The following DNAJC11 variants were observed in gnomAD, a reference collection of about 807,000 sequenced individuals.
DNAJC11 encodes the protein dnaJ homolog subfamily C member 11.
DNAJC11 carries 15 observed loss-of-function variants against 78.6 expected under a neutral mutation model. The observed-to-expected ratio is 0.19, with a 90% CI of 0.13 to 0.29. The LOEUF (loss-of-function observed/expected upper bound fraction) is 0.29. Among genes scored for constraint, DNAJC11 ranks in the 10% least tolerant of loss-of-function variants. The probability of loss-of-function intolerance (pLI) is 1.00; values close to 1 mark genes in which losing one functional copy is unlikely to be tolerated. For missense variants in DNAJC11, 547 were observed against 709.6 expected (o/e 0.77, Z 2.60); for synonymous variants, 292 against 272.1 (o/e 1.07, Z -0.72).
At chr1:6,681,061 G>C (rs369084269) in intron 1 of DNAJC11, 24 bp from the exon 2 acceptor site, 2 of 1,587,832 alleles carry the variant, frequency 1.3e-6, no homozygotes, top group Non-Finnish European at 8.6e-7. Flanking sequence ...AATTCAATTA[G>C]AGAACAATCA....
chr1:6,641,906 G>A (rs981926931), intron 10 of DNAJC11, among the ~76,000 whole-genome samples: 2 of 152,190 alleles, frequency 1.3e-5, no homozygotes, highest in African/African-American at 4.8e-5. Context: ...CCTTCAGATG[G>A]AGACTGGCTC....
At chr1:6,638,204 A>G in intron 12 of DNAJC11, 91 bp downstream of exon 12, 2 of 1,289,030 alleles carry the variant, frequency 1.6e-6, no homozygotes, top group Non-Finnish European at 2.2e-6. Flanking sequence ...TGGAGAAGAG[A>G]AGTCTGACCT....
Position 6,634,753 on chromosome 1 carries a change from G to T in DNAJC11, c.*922C>A. 1 of 1,343,380 alleles carries T rather than the reference G, an allele frequency of 7.4e-7. No individual in the cohort carries two copies. The highest frequency in any genetic ancestry group is 4.8e-5 in the East Asian group (1 of 20,918). The allele number at this position is 1,343,380 out of a possible 1,614,324, so 83.2% of individuals were successfully genotyped here. A position where few individuals can be genotyped will look rare whatever the true frequency, so the allele number is the denominator to read the frequency against. On this transcript the variant is annotated 3_prime_UTR_variant, in exon 16 of 16. Transcript: ENST00000377577. Reference sequence around the variant, plus strand: ...GCCCTGGTGTTCCTGTGAGGACGCTGGACCTGCAGGAGCGGGGAGCTGCAG... The same window carrying T: ...GCCCTGGTGTTCCTGTGAGGACGCTTGACCTGCAGGAGCGGGGAGCTGCAG...
chr1:6,683,866 T>C (rs1444181453), intron 1 of DNAJC11, among the ~76,000 whole-genome samples: 4 of 152,220 alleles, frequency 2.6e-5, no homozygotes, highest in Non-Finnish European at 5.9e-5. Context: ...CATATTTCCA[T>C]CTCTGCATTT....
At chr1:6,660,073 C>A (rs111717079) in intron 4 of DNAJC11, among the ~76,000 whole-genome samples, 269 of 150,404 alleles carry the variant, frequency 1.8e-3, no homozygotes, top group African/African-American at 4.1e-3. Context: ...AAAAAAAAAA[C>A]CAAAATCAAA....
At position 6,654,245 on chromosome 1, in the gene DNAJC11, G is replaced by A. The variant is rs1023927914; in HGVS notation, c.379-206C>T. The A allele has an allele frequency of 1.3e-5, 6 of 476,838 alleles. No individual in the cohort carries two copies. In the South Asian group the frequency reaches 1.4e-4, roughly 11 times the overall value. The allele number at this position is 476,838 out of a possible 1,614,324, so 29.5% of individuals were successfully genotyped here. On this transcript the variant is annotated intron_variant, in intron 4 of 15. Transcript: ENST00000377577. ...AACTGCAGAGCACCACAGACGTCCA[G>A]AGCTAGAAAACATCATTTGACCAGG...
intron 11 of DNAJC11, 142 bp downstream of exon 11, chr1:6,639,760 A>C: frequency 1.2e-6 from 1 of 816,438 alleles, no homozygotes; most frequent in Non-Finnish European, 1.8e-6. Flanking sequence ...CCCAGACATC[A>C]GCCTAAGTGC....
chr1:6,657,556 T>A (rs914441521), intron 4 of DNAJC11, among the ~76,000 whole-genome samples: 4 of 152,202 alleles, frequency 2.6e-5, no homozygotes, highest in Non-Finnish European at 5.9e-5. Flanking sequence ...TTGGAAATGG[T>A]TATACAGCAG....
At chr1:6,683,628 T>C (rs1271958861) in intron 1 of DNAJC11, among the ~76,000 whole-genome samples, 1 of 152,234 alleles carries the variant, frequency 6.6e-6, no homozygotes, top group Non-Finnish European at 1.5e-5. Context: ...CCACTTTTGT[T>C]ATTACCATCA....
Position 6,653,768 on chromosome 1 carries a change from T to A in DNAJC11, c.507+143A>T. Reference sequence around the variant, plus strand: ...AACACACGGCTGGGAATGAAGCGCTTTCTTTTTTAAGTGGCTAATTGCATC... The same window carrying A: ...AACACACGGCTGGGAATGAAGCGCTATCTTTTTTAAGTGGCTAATTGCATC... On this transcript the variant is annotated intron_variant, in intron 5 of 15. Coordinates refer to ENST00000377577, the MANE Select transcript of DNAJC11 (RefSeq NM_018198.4). The surrounding 1 kb of genome is among the most constrained non-coding windows in gnomAD (Gnocchi z 4.5). 1 of 1,159,710 alleles carries A rather than the reference T, an allele frequency of 8.6e-7. No homozygotes were observed. The highest frequency in any genetic ancestry group is 1.2e-6 in the Non-Finnish European group (1 of 827,906). The allele number at this position is 1,159,710 out of a possible 1,614,324, so 71.8% of individuals were successfully genotyped here.
At chr1:6,669,959 T>C (rs1226572707) in intron 3 of DNAJC11, among the ~76,000 whole-genome samples, 1 of 151,804 alleles carries the variant, frequency 6.6e-6, no homozygotes, top group Non-Finnish European at 1.5e-5. Flanking sequence ...AAAAATAATT[T>C]TTTTTTTTTT....
In DNAJC11 at chr1:6,634,455, G is replaced by A; in HGVS notation, c.*1220C>T. The A allele has an allele frequency of 1.5e-6, 2 of 1,298,358 alleles. No homozygotes were observed. Among genetic ancestry groups the A allele is most frequent in the Non-Finnish European group, 2.0e-6 (2 of 986,818 alleles). The allele number at this position is 1,298,358 out of a possible 1,614,324, so 80.4% of individuals were successfully genotyped here. On this transcript the variant is annotated 3_prime_UTR_variant, in exon 16 of 16. Coordinates refer to ENST00000377577, the MANE Select transcript of DNAJC11 (RefSeq NM_018198.4). ...CTCAGATACCAGTGCTGGGGAGGGA[G>A]GCCTGACTTCAGCAACAGCTGTGGG... is the stretch of plus-strand genomic sequence containing the variant.
At chr1:6,648,147 C>T (rs1641995894) in intron 7 of DNAJC11, among the ~76,000 whole-genome samples, 1 of 152,072 alleles carries the variant, frequency 6.6e-6, no homozygotes, top group Non-Finnish European at 1.5e-5. Context: ...CTCATAAGAC[C>T]CAAAGCAGCT....
chr1:6,692,522 T>G (rs570733789), intron 1 of DNAJC11, among the ~76,000 whole-genome samples: 1 of 151,946 alleles, frequency 6.6e-6, no homozygotes, highest in Admixed American at 6.5e-5. Context: ...ATGTCAACTT[T>G]CCAGGAAGCA....
intron 3 of DNAJC11, among the ~76,000 whole-genome samples, chr1:6,672,776 A>G (rs1642400377): frequency 6.6e-6 from 1 of 152,214 alleles, no homozygotes; most frequent in African/African-American, 2.4e-5. Flanking sequence ...CAACCCTTAC[A>G]GACAGAGGCA....
intron 10 of DNAJC11, among the ~76,000 whole-genome samples, chr1:6,643,828 A>T (rs1420092613): frequency 6.6e-6 from 1 of 152,076 alleles, no homozygotes; most frequent in Admixed American, 6.6e-5. Flanking sequence ...CGGTGTTGGA[A>T]CTATGCACTG....
In DNAJC11 at chr1:6,644,682, G is replaced by C. The variant is rs760963758; in HGVS notation, c.981-8C>G. 3.7e-6 allele frequency: 6 copies of C among 1,609,920 alleles called. No individual in the cohort carries two copies. In the East Asian group the frequency reaches 1.3e-4, roughly 36 times the overall value. Reference sequence around the variant, plus strand: ...GTCCCAAAGAAGCCTGCTCTGCAGGGAGAGAACGCGGTCTGTGCCTGTGCC... The same window carrying C: ...GTCCCAAAGAAGCCTGCTCTGCAGGCAGAGAACGCGGTCTGTGCCTGTGCC... On this transcript the variant is annotated splice_region_variant and splice_polypyrimidine_tract_variant and intron_variant, in intron 9 of 15. Coordinates refer to ENST00000377577, the MANE Select transcript of DNAJC11 (RefSeq NM_018198.4).
At chr1:6,697,877 T>A (rs1279485226) in intron 1 of DNAJC11, among the ~76,000 whole-genome samples, 2 of 151,788 alleles carry the variant, frequency 1.3e-5, no homozygotes, top group African/African-American at 4.8e-5. Context: ...CAATCTCGGC[T>A]CACTGCAAGC....
chr1:6,681,001 G>A lies in DNAJC11; in HGVS notation c.109C>T (p.Leu37Phe). 1.2e-6 allele frequency: 2 copies of A among 1,613,902 alleles called. No homozygotes were observed. The highest frequency in any genetic ancestry group is 1.1e-5 in the South Asian group (1 of 91,078). Residue 37 changes from leucine to phenylalanine, a missense_variant, in exon 2 of 16, where the codon CTC becomes TTC. Leu to Phe is a conservative substitution (Grantham distance 22). Coordinates refer to ENST00000377577, the MANE Select transcript of DNAJC11 (RefSeq NM_018198.4). ...TTGTCTGGATGGTAGAGCATACAGA[G>A]CCTCCGGTAGGCAGCTTTCAGCTCT... The part of the protein sequence containing the change: ...SEELKAAYRR[L>F]CMLYHPDKHR...
Sources: gnomAD v4.1 joint callset for allele counts (sites outside exome capture counted in the v4.1 genomes callset) on GRCh38, gnomAD v4.1.1 for gene constraint, Gnocchi (gnomAD v3.1) non-coding constraint, MANE v1.5 for transcripts, NCBI Gene and HGNC (gene_info 2026-07-23, HGNC 2026-07-21) for gene names.